Variants in SOS2 observed in about 807,000 individuals in gnomAD.
SOS2 encodes SOS Ras/Rho guanine nucleotide exchange factor 2.
SOS2 carries 65 observed loss-of-function variants against 148.2 expected under a neutral mutation model. That is an observed-to-expected ratio of 0.44 (90% CI 0.36 to 0.54). The LOEUF (loss-of-function observed/expected upper bound fraction) is 0.54, where lower values mean the gene tolerates loss of function less well. SOS2 is among the 20% of genes least tolerant of loss of function. The pLI is 0.00. For missense variants in SOS2, 1,341 were observed against 1,590.2 expected (o/e 0.84, Z 2.67); for synonymous variants, 539 against 537.1 (o/e 1.00, Z -0.05).
chr14:50,155,925 A>G (rs1258211065), intron 12 of SOS2: 1 of 152,202 alleles, frequency 6.6e-6, no homozygotes, highest in African/African-American at 2.4e-5. Flanking sequence ...TTGCTGATAC[A>G]TAAATAATCT....
At chr14:50,209,274 CGTGT>C (rs140994310) in intron 1 of SOS2, among the ~76,000 whole-genome samples, 16,072 of 118,146 alleles carry the variant, frequency 0.14, 1,122 homozygotes, top group Admixed American at 0.27. Context: ...CCTTAAATGT[CGTGT>C]GTGTGTGTGT....
intron 5 of SOS2, among the ~76,000 whole-genome samples, chr14:50,182,901 C>T (rs867327475): frequency 2.0e-5 from 3 of 152,154 alleles, no homozygotes; most frequent in Non-Finnish European, 2.9e-5. Context: ...GGGTGGTACT[C>T]GTTTTCTACA....
chr14:50,190,777 C>T lies in SOS2; in HGVS notation c.511-2077G>A, dbSNP rs577416326. Among the ~76,000 whole-genome samples, 91 of 152,316 alleles carry T rather than the reference C, an allele frequency of 6.0e-4. 1 individual carries two copies. Among genetic ancestry groups the T allele is most frequent in the African/African-American group, 2.1e-3 (89 of 41,568 alleles). ...TGACACTCTCAAATCCCTCCCTTCC[C>T]CACTGCTTACTCCATGCAATCCACC... is the stretch of plus-strand genomic sequence containing the variant. On this transcript the variant is annotated intron_variant, in intron 4 of 22. Transcript: ENST00000216373.
intron 4 of SOS2, among the ~76,000 whole-genome samples, chr14:50,198,887 A>G (rs1284726596): frequency 6.6e-6 from 1 of 152,236 alleles, no homozygotes. Flanking sequence ...CAGTGGGTGC[A>G]GTGGCTCATG....
Position 50,180,721 on chromosome 14 carries a change from G to A in SOS2, c.859-39C>T, listed in dbSNP as rs766268811. 20 of 1,170,790 alleles carry A rather than the reference G, an allele frequency of 1.7e-5. No homozygotes were observed. In the East Asian group the frequency reaches 4.9e-4, roughly 29 times the overall value. 72.5% of individuals were successfully genotyped at this position (1,170,790 alleles called of 1,614,324 possible). On this transcript the variant is annotated intron_variant, in intron 6 of 22. Transcript: ENST00000216373. ...AAGAGAAAAAGCATTAGGTTTAAAA[G>A]AATATATTTTCTACCAATATGGTAC...
rs1286973480 is a variant in SOS2 at position 50,118,523 on chromosome 14, A to G, written c.3820T>C (p.Cys1274Arg). 6.2e-7 allele frequency: 1 copy of G among 1,614,178 alleles called. No homozygotes were observed. Among genetic ancestry groups the G allele is most frequent in the South Asian group, 1.1e-5 (1 of 91,074 alleles). ...TTCTGACTAGAACTGAGCACATAGC[A>G]TCGACGCGGTACCCTTGGAGAGGGT... The part of the protein sequence containing the change: ...STPSPRVPRR[C>R]YVLSSSQNNL... The change falls in exon 23 of 23, where the codon TGC becomes CGC. Residue 1274 changes from cysteine (C) to arginine (R), a missense_variant. Transcript: ENST00000216373.
At chr14:50,222,000 G>T (rs945226401) in intron 1 of SOS2, among the ~76,000 whole-genome samples, 3 of 152,072 alleles carry the variant, frequency 2.0e-5, no homozygotes, top group Non-Finnish European at 4.4e-5. Flanking sequence ...TTAGAATTAT[G>T]CAGGGGAAAT....
chr14:50,215,205 G>A (rs1020238272), intron 1 of SOS2, among the ~76,000 whole-genome samples: 9 of 152,122 alleles, frequency 5.9e-5, no homozygotes, highest in Non-Finnish European at 1.2e-4. Flanking sequence ...TTGAACATGA[G>A]AATTAAGATA....
chr14:50,212,629 T>G (rs1283576538), intron 1 of SOS2, among the ~76,000 whole-genome samples: 1 of 152,248 alleles, frequency 6.6e-6, no homozygotes, highest in Non-Finnish European at 1.5e-5. Context: ...TTTCTGATTA[T>G]ATGTTACACT....
chr14:50,230,662 C>G (rs2139890193), intron 1 of SOS2, among the ~76,000 whole-genome samples: 1 of 152,228 alleles, frequency 6.6e-6, no homozygotes, highest in East Asian at 1.9e-4. Context: ...AGTGGGAAGG[C>G]GCTTTAAATT....
chr14:50,213,571 G>A (rs1054059263), intron 1 of SOS2, among the ~76,000 whole-genome samples: 3 of 151,884 alleles, frequency 2.0e-5, no homozygotes, highest in Admixed American at 6.6e-5. Context: ...CTGGTGGTGC[G>A]TGCCTGTAAT....
At chr14:50,208,271 C>T (rs1027824564) in intron 1 of SOS2, among the ~76,000 whole-genome samples, 1 of 151,734 alleles carries the variant, frequency 6.6e-6, no homozygotes, top group African/African-American at 2.4e-5. Context: ...TGCACTCCAG[C>T]CTGGGTGAGA....
At chr14:50,132,551 C>T (rs1312247695) in intron 19 of SOS2, among the ~76,000 whole-genome samples, 1 of 151,746 alleles carries the variant, frequency 6.6e-6, no homozygotes, top group African/African-American at 2.4e-5. Context: ...ATCCCAGTTA[C>T]GTGGGAGGCT....
chr14:50,191,045 C>T lies in SOS2; in HGVS notation c.511-2345G>A, dbSNP rs192219818. Among the ~76,000 whole-genome samples the T allele has an allele frequency of 5.5e-4, 84 of 152,284 alleles. 1 individual carries two copies. The East Asian group carries it at 0.011, about 20-fold the overall frequency. ...TTCTTGCTCCCATTCACTTAGCAAG[C>T]CCATTACTATATTAAAACTGCTCTC... On this transcript the variant is annotated intron_variant, in intron 4 of 22. Transcript: ENST00000216373.
intron 8 of SOS2, among the ~76,000 whole-genome samples, chr14:50,164,641 AAAG>A (rs959393445): frequency 6.6e-6 from 1 of 151,768 alleles, no homozygotes; most frequent in Non-Finnish European, 1.5e-5. Flanking sequence ...CAAAAAAAAA[AAAG>A]AAAGAAAAAG....
At chr14:50,231,878 A>T (rs934263412), upstream of SOS2, among the ~76,000 whole-genome samples, 1 of 152,170 alleles carries the variant, frequency 6.6e-6, no homozygotes, top group Non-Finnish European at 1.5e-5. Flanking sequence ...GCAGCAGCGC[A>T]GAGTGCCTTG....
intron 13 of SOS2, among the ~76,000 whole-genome samples, chr14:50,152,499 G>A (rs1428564615): frequency 6.6e-6 from 1 of 152,084 alleles, no homozygotes; most frequent in Non-Finnish European, 1.5e-5. Flanking sequence ...AAATTAAATA[G>A]CTTAAATTTA....
chr14:50,118,741 T>C lies in SOS2; in HGVS notation c.3602A>G (p.His1201Arg), dbSNP rs555945363. 2.8e-4 allele frequency: 458 copies of C among 1,611,868 alleles called. 7 individuals are homozygous for C. In the South Asian group the frequency reaches 4.8e-3, roughly 17 times the overall value. ...TCTTGGTGGTGGCGGAGGTGGACTA[T>C]GCAGAGGCCCATCAAATGCACCAGT... Reference protein sequence around the residue: ...VPTGAFDGPLHSPPPPPPRDP... With the variant: ...VPTGAFDGPLRSPPPPPPRDP... Residue 1201 changes from histidine to arginine, a missense_variant, in exon 23 of 23, where the codon CAT (histidine) becomes CGT (arginine). His to Arg is a conservative substitution (Grantham distance 29, BLOSUM62 0). Coordinates refer to ENST00000216373, the MANE Select transcript of SOS2 (RefSeq NM_006939.4).
Position 50,117,431 on chromosome 14 carries a change from G to A in SOS2, c.*913C>T, listed in dbSNP as rs1883320002. 6.6e-6 allele frequency: 1 copy of A among 152,172 alleles called. No individual in the cohort carries two copies. Among genetic ancestry groups the A allele is most frequent in the East Asian group, 1.9e-4 (1 of 5,200 alleles). The allele number at this position is 152,172 out of a possible 1,614,324, so 9.4% of individuals were successfully genotyped here. On this transcript the variant is annotated 3_prime_UTR_variant, in exon 23 of 23. Transcript: ENST00000216373. The stretch of plus-strand genomic sequence containing the variant: ...TTTCAGTTAACACGAGATTTATAGA[G>A]AAAGTTACTAGGTCTTGAAGGCAAG...
Sources: gnomAD v4.1 joint callset for allele counts (sites outside exome capture counted in the v4.1 genomes callset) on GRCh38, gnomAD v4.1.1 for gene constraint, MANE v1.5 for transcripts, NCBI Gene and HGNC (gene_info 2026-07-23, HGNC 2026-07-21) for gene names.